RBMS3: variants seen among roughly 807,000 people sequenced by gnomAD.
RBMS3 encodes the protein RNA-binding motif, single-stranded-interacting protein 3.
In RBMS3, 27 loss-of-function variants were observed where a neutral mutation model predicts 66.8. That is an observed-to-expected ratio of 0.40 (90% CI 0.30 to 0.56). The LOEUF is 0.56. Ranked by LOEUF, RBMS3 falls within the 20% of genes least tolerant of loss-of-function variation. The pLI, the probability that RBMS3 is intolerant of heterozygous loss-of-function variation, is 0.40. For synonymous variants in RBMS3, 188 were observed against 183.0 expected (o/e 1.03, Z -0.22); for missense variants, 513 against 549.5 (o/e 0.93, Z 0.66).
intron 4 of RBMS3, among the ~76,000 whole-genome samples, chr3:29,656,333 T>C (rs866233097): frequency 6.6e-5 from 10 of 152,192 alleles, no homozygotes; most frequent in Admixed American, 2.0e-4. Flanking sequence ...TGTATAGATA[T>C]GTTTAGATAC....
At chr3:29,770,195 C>T (rs2056135570) in intron 6 of RBMS3, among the ~76,000 whole-genome samples, 1 of 151,876 alleles carries the variant, frequency 6.6e-6, no homozygotes, top group Admixed American at 6.6e-5. Context: ...GATTATGCAG[C>T]ACTTTTGCTC....
chr3:29,364,855 G>T (rs1254314984), intron 1 of RBMS3, among the ~76,000 whole-genome samples: 4 of 151,898 alleles, frequency 2.6e-5, no homozygotes, highest in African/African-American at 9.7e-5. Context: ...GATTTTTATT[G>T]TCGACCAATT....
intron 10 of RBMS3, among the ~76,000 whole-genome samples, chr3:29,903,864 A>C (rs1273626225): frequency 6.6e-6 from 1 of 151,978 alleles, no homozygotes; most frequent in Non-Finnish European, 1.5e-5. Flanking sequence ...AAAAGTTGCA[A>C]GCAAATAAAA....
intron 3 of RBMS3, among the ~76,000 whole-genome samples, chr3:29,577,658 C>A (rs1434085227): frequency 2.0e-5 from 3 of 152,198 alleles, no homozygotes; most frequent in Non-Finnish European, 4.4e-5. Context: ...TGGGCATTGG[C>A]TGAGCCCAGT....
intron 6 of RBMS3, among the ~76,000 whole-genome samples, chr3:29,777,379 C>A (rs1165006629): frequency 6.6e-6 from 1 of 151,900 alleles, no homozygotes; most frequent in South Asian, 2.1e-4. Context: ...TATAGACACA[C>A]TAAATTGAAT....
At chr3:29,677,593 C>A (rs747695295) in intron 4 of RBMS3, among the ~76,000 whole-genome samples, 1 of 152,130 alleles carries the variant, frequency 6.6e-6, no homozygotes, top group Admixed American at 6.5e-5. Context: ...ACGCTCATTG[C>A]AAATTTCTCC....
intron 9 of RBMS3, among the ~76,000 whole-genome samples, chr3:29,898,588 C>A (rs926234899): frequency 6.6e-6 from 1 of 151,572 alleles, no homozygotes. Flanking sequence ...TGAAACATAT[C>A]CGTGGGCAAA....
intron 1 of RBMS3, among the ~76,000 whole-genome samples, chr3:29,365,255 G>T (rs910118055): frequency 6.6e-6 from 1 of 151,896 alleles, no homozygotes; most frequent in Middle Eastern, 3.2e-3. Flanking sequence ...CCTTCAGAAA[G>T]CAATAACATA....
chr3:29,340,061 A>G (rs912546394), intron 1 of RBMS3, among the ~76,000 whole-genome samples: 25 of 152,146 alleles, frequency 1.6e-4, no homozygotes, highest in Non-Finnish European at 2.9e-4. Flanking sequence ...ACTGATAGAT[A>G]TCTTCTATTA....
At chr3:29,369,812 G>C (rs149853020) in intron 1 of RBMS3, among the ~76,000 whole-genome samples, 223 of 151,776 alleles carry the variant, frequency 1.5e-3, no homozygotes, top group African/African-American at 5.0e-3. Flanking sequence ...GTGATAGGTG[G>C]GACTTTTAAA....
intron 8 of RBMS3, among the ~76,000 whole-genome samples, chr3:29,886,509 CA>C (rs962245205): frequency 3.3e-5 from 5 of 151,696 alleles, no homozygotes; most frequent in Admixed American, 6.6e-5. Flanking sequence ...CAAGGATAGA[CA>C]TAGGGAAAGA....
intron 3 of RBMS3, among the ~76,000 whole-genome samples, chr3:29,524,607 A>T (rs60625916): frequency 0.04 from 5,945 of 148,248 alleles, 177 homozygotes; most frequent in South Asian, 0.088. Context: ...TTTGCATTTT[A>T]TTTATTTATT....
chr3:29,962,561 T>TATATATATATATATATATATATAC lies in RBMS3; in HGVS notation c.1098+18314_1098+18315insTATATATATATATATACATATATA, dbSNP rs1208177379. On this transcript the variant is annotated intron_variant, in intron 12 of 14. Coordinates refer to ENST00000383767, the MANE Select transcript of RBMS3 (RefSeq NM_001003793.3). ...ATATGGGTCAAGACTCATATATATA[T>TATATATATATATATATATATATAC]ATATATAATACCATACCAACAAGCC... is the stretch of plus-strand genomic sequence containing the variant. Among the ~76,000 whole-genome samples the TATATATATATATATATATATATAC allele has an allele frequency of 4.7e-5, 7 of 150,462 alleles. No individual in the cohort carries two copies. The East Asian group carries it at 1.4e-3, about 29-fold the overall frequency.
intron 10 of RBMS3, among the ~76,000 whole-genome samples, chr3:29,925,796 A>G (rs1264946525): frequency 6.6e-6 from 1 of 152,218 alleles, no homozygotes; most frequent in Non-Finnish European, 1.5e-5. Context: ...CCCTGATGAT[A>G]GTATCCAGTC....
At chr3:29,648,263 AT>A (rs749839563) in intron 4 of RBMS3, among the ~76,000 whole-genome samples, 1,233 of 77,598 alleles carry the variant, frequency 0.016, 13 homozygotes, top group African/African-American at 0.053. Context: ...GAAAATGTCT[AT>A]TTTTTTTTTT....
intron 1 of RBMS3, among the ~76,000 whole-genome samples, chr3:29,406,695 TA>T (rs1251530911): frequency 3.3e-5 from 5 of 152,178 alleles, no homozygotes; most frequent in African/African-American, 1.2e-4. Context: ...TGAACTGTGT[TA>T]AAAAATACAA....
chr3:29,840,585 T>C (rs73053765), intron 6 of RBMS3, among the ~76,000 whole-genome samples: 34,939 of 151,882 alleles, frequency 0.23, 5,221 homozygotes, highest in Non-Finnish European at 0.34. Flanking sequence ...AACATCTTAG[T>C]AGTTTTATGG....
chr3:29,300,318 G>C (rs1359280705), intron 1 of RBMS3, among the ~76,000 whole-genome samples: 1 of 151,918 alleles, frequency 6.6e-6, no homozygotes, highest in Non-Finnish European at 1.5e-5. Context: ...ACCAATTCTA[G>C]AAATTTTTGA....
At chr3:29,840,934 T>C (rs950567969) in intron 6 of RBMS3, among the ~76,000 whole-genome samples, 13 of 151,950 alleles carry the variant, frequency 8.6e-5, no homozygotes, top group Non-Finnish European at 1.8e-4. Flanking sequence ...ATTGACCTCC[T>C]AAGAAAAAGA....
Sources: gnomAD v4.1 joint callset for allele counts (sites outside exome capture counted in the v4.1 genomes callset) on GRCh38, gnomAD v4.1.1 for gene constraint, MANE v1.5 for transcripts, NCBI Gene and HGNC (gene_info 2026-07-23, HGNC 2026-07-21) for gene names.